The following TRPV3 variants were observed in gnomAD, a reference collection of about 807,000 sequenced individuals.
TRPV3 encodes the protein VRL-3.
Under a neutral mutation model 87.1 loss-of-function variants are expected in TRPV3, and 88 were observed. The ratio of observed to expected loss-of-function variants is 1.01; its 90% confidence interval spans 0.85 to 1.21. The LOEUF is 1.21. Ranked by LOEUF, TRPV3 falls within the 50% of genes most tolerant of loss-of-function variation. The pLI, the probability that TRPV3 is intolerant of heterozygous loss-of-function variation, is 0.00. For missense variants in TRPV3, 1,054 were observed against 1,030.1 expected, an observed-to-expected ratio of 1.02 and a Z score of -0.32; for synonymous variants, 438 against 423.3, an observed-to-expected ratio of 1.03 and a Z score of -0.43.
intron 13 of TRPV3, among the ~76,000 whole-genome samples, chr17:3,523,467 C>T (rs1271511388): frequency 6.6e-6 from 1 of 151,954 alleles, no homozygotes; most frequent in African/African-American, 2.4e-5. Flanking sequence ...GCCTGTAATC[C>T]CAGCACTTTG....
chr17:3,550,998 G>A (rs1451384866), intron 2 of TRPV3, among the ~76,000 whole-genome samples: 1 of 152,198 alleles, frequency 6.6e-6, no homozygotes, highest in Non-Finnish European at 1.5e-5. Flanking sequence ...CTTCAGAGAG[G>A]GGCTGCGCTA....
chr17:3,540,455 A>T (rs2074448255), intron 6 of TRPV3, among the ~76,000 whole-genome samples: 2 of 152,152 alleles, frequency 1.3e-5, no homozygotes, highest in African/African-American at 4.8e-5. Flanking sequence ...TCATGAAAGG[A>T]GAGGGAAAGG....
rs533372503 is a variant in TRPV3 at position 3,549,038 on chromosome 17, C to T, written c.120-3767G>A. 3.3e-5 allele frequency among the ~76,000 whole-genome samples: 5 copies of T among 152,270 alleles called. No individual in the cohort carries two copies. The East Asian group carries it at 7.7e-4, about 23-fold the overall frequency. ...CCCAGAACTTTTGCCCTAAAGTAGT[C>T]GCTCCGCAACAACAGCCTGACCTAG... On this transcript the variant is annotated intron_variant, in intron 2 of 17. Coordinates refer to ENST00000576742, the MANE Select transcript of TRPV3 (RefSeq NM_145068.4).
chr17:3,526,492 A>C (rs965882404), intron 12 of TRPV3, among the ~76,000 whole-genome samples: 37 of 151,780 alleles, frequency 2.4e-4, no homozygotes, highest in African/African-American at 7.8e-4. Flanking sequence ...TAAAAAAAAA[A>C]AACAACAACG....
chr17:3,531,005 A>C (rs1174013592), intron 8 of TRPV3, among the ~76,000 whole-genome samples: 1 of 151,944 alleles, frequency 6.6e-6, no homozygotes, highest in South Asian at 2.1e-4. Flanking sequence ...GCCGTGAGCC[A>C]TGATTGCGCC....
chr17:3,536,080 TCAGGGGGCTTCC>T (rs1337401856), intron 6 of TRPV3, among the ~76,000 whole-genome samples: 1 of 152,088 alleles, frequency 6.6e-6, no homozygotes, highest in Non-Finnish European at 1.5e-5. Context: ...CCAGAGAGCG[TCAGGGGGCTTCC>T]CAGAGCTCTC....
chr17:3,546,768 A>T (rs1488852454), intron 2 of TRPV3: 1 of 424,564 alleles, frequency 2.4e-6, no homozygotes, highest in Non-Finnish European at 4.8e-6. Flanking sequence ...AGTTGAGGTC[A>T]GGAGTTTGAG....
rs560261037 is a variant in TRPV3 at position 3,535,650 on chromosome 17, G to A, written c.707C>T (p.Ala236Val). 43 of 1,607,632 alleles carry A rather than the reference G, an allele frequency of 2.7e-5. 1 individual carries two copies. In the African/African-American group the frequency reaches 5.6e-4, roughly 21 times the overall value. Residue 236 changes from alanine to valine, a missense_variant, in exon 7 of 18, where the codon GCC (alanine) becomes GTC (valine). Transcript: ENST00000576742. Reference protein sequence around the residue: ...RQGDIAALLIAAGADVNAHAK... With the variant: ...RQGDIAALLIVAGADVNAHAK... ...GTGCGCGTTGACGTCGGCGCCGGCGGCGATGAGCAGGGCTGCGATGTCCCC... is the reference window on the plus strand; with the variant it reads ...GTGCGCGTTGACGTCGGCGCCGGCGACGATGAGCAGGGCTGCGATGTCCCC...
chr17:3,529,115 G>A, intron 9 of TRPV3, 120 bp from the exon 10 acceptor site: 2 of 1,147,636 alleles, frequency 1.7e-6, no homozygotes, highest in South Asian at 1.4e-5. Context: ...TATGCCCGAT[G>A]GACTGGTCTG....
chr17:3,532,990 C>T, intron 7 of TRPV3, 53 bp from the exon 8 acceptor site: 5 of 1,593,624 alleles, frequency 3.1e-6, no homozygotes, highest in Non-Finnish European at 3.4e-6. Flanking sequence ...GAAGCAGCGT[C>T]CCCCAAGCCC....
At chr17:3,537,177 G>A (rs1291499234) in intron 6 of TRPV3, among the ~76,000 whole-genome samples, 1 of 151,832 alleles carries the variant, frequency 6.6e-6, no homozygotes, top group African/African-American at 2.4e-5. Flanking sequence ...CCAGGCTGGA[G>A]TGCAGTGGCG....
At chr17:3,515,424 G>GC (rs1226469276) in intron 16 of TRPV3, among the ~76,000 whole-genome samples, 33 of 152,144 alleles carry the variant, frequency 2.2e-4, no homozygotes, top group Non-Finnish European at 4.1e-4. Context: ...ACTTTGGGAG[G>GC]CCGAGGGGGG....
At position 3,557,416 on chromosome 17, in the gene TRPV3, A is replaced by C. The variant is rs1002527232; in HGVS notation, c.-3+260T>G. ...TGGTGAGATTGAGATGTCCCTCCCC[A>C]GGATTCCCAAACCTCAGGGGAATGT... On this transcript the variant is annotated intron_variant, in intron 1 of 17. Coordinates refer to ENST00000576742, the MANE Select transcript of TRPV3 (RefSeq NM_145068.4). This position sits in a 1 kb window ranked among gnomAD's most constrained non-coding sequence, Gnocchi z 4.5. Among the ~76,000 whole-genome samples, 62 of 152,166 alleles carry C rather than the reference A, an allele frequency of 4.1e-4. No individual in the cohort carries two copies. Among genetic ancestry groups the C allele is most frequent in the African/African-American group, 1.5e-3 (61 of 41,446 alleles).
intron 6 of TRPV3, among the ~76,000 whole-genome samples, chr17:3,536,272 T>C (rs1298331879): frequency 6.6e-6 from 1 of 152,146 alleles, no homozygotes; most frequent in African/African-American, 2.4e-5. Flanking sequence ...CCTCTCTGGC[T>C]GCAAAAGTGG....
chr17:3,515,552 C>T (rs996090228), intron 16 of TRPV3, among the ~76,000 whole-genome samples: 1 of 151,776 alleles, frequency 6.6e-6, no homozygotes, highest in African/African-American at 2.4e-5. Flanking sequence ...TCCCAGCTAC[C>T]GGGGAGGCTG....
chr17:3,533,051 C>A, intron 7 of TRPV3, 114 bp from the exon 8 acceptor site: 1 of 1,221,466 alleles, frequency 8.2e-7, no homozygotes, highest in East Asian at 2.4e-5. Flanking sequence ...CTCAGGTTCC[C>A]TAGCCCTCTC....
intron 13 of TRPV3, among the ~76,000 whole-genome samples, 188 bp from the exon 14 acceptor site, chr17:3,521,227 A>G (rs1055301952): frequency 6.6e-6 from 1 of 150,604 alleles, no homozygotes. Context: ...TCCTCCAGGA[A>G]GCCTTCTGTT....
At chr17:3,524,069 A>C in intron 13 of TRPV3, 129 bp downstream of exon 13, 3 of 1,235,860 alleles carry the variant, frequency 2.4e-6, no homozygotes, top group South Asian at 2.9e-5. Context: ...AAGGGAGTGC[A>C]TGGCATTTGG....
rs954171528 is a variant in TRPV3 at position 3,530,386 on chromosome 17, T to C, written c.1066-183A>G. 1.8e-6 allele frequency: 1 copy of C among 543,510 alleles called. No individual in the cohort carries two copies. 33.7% of individuals were successfully genotyped at this position (543,510 alleles called of 1,614,324 possible). A position where few individuals can be genotyped will look rare whatever the true frequency, so the allele number is the denominator to read the frequency against. ...TTTATCTGTGGAATGCGCACAAAGCTTGCTGTTCCGCCCATCTCACTGGGG... is the reference window on the plus strand; with the variant it reads ...TTTATCTGTGGAATGCGCACAAAGCCTGCTGTTCCGCCCATCTCACTGGGG... On this transcript the variant is annotated intron_variant, in intron 8 of 17. Transcript: ENST00000576742. The surrounding 1 kb of genome is among the most constrained non-coding windows in gnomAD (Gnocchi z 4.0).
Sources: gnomAD v4.1 joint callset for allele counts (sites outside exome capture counted in the v4.1 genomes callset) on GRCh38, gnomAD v4.1.1 for gene constraint, Gnocchi (gnomAD v3.1) non-coding constraint, MANE v1.5 for transcripts, NCBI Gene and HGNC (gene_info 2026-07-23, HGNC 2026-07-21) for gene names.